KAT6A: variants seen among roughly 807,000 people sequenced by gnomAD.
The protein encoded by KAT6A is histone acetyltransferase KAT6A.
In KAT6A, 9 loss-of-function variants were observed where a neutral mutation model predicts 198.4. That is an observed-to-expected ratio of 0.05 (90% CI 0.03 to 0.08). The LOEUF (loss-of-function observed/expected upper bound fraction) is 0.08. KAT6A is among the 10% of genes least tolerant of loss of function. The pLI is 1.00. For missense variants in KAT6A, 2,077 were observed against 2,509.9 expected (o/e 0.83, Z 3.69); for synonymous variants, 890 against 883.0 (o/e 1.01, Z -0.14).
At chr8:41,983,439 G>A (rs549834374) in intron 3 of KAT6A, among the ~76,000 whole-genome samples, 3 of 152,302 alleles carry the variant, frequency 2.0e-5, no homozygotes, top group African/African-American at 7.2e-5. Flanking sequence ...CTGCATGACT[G>A]TAATTTTAGC....
chr8:41,932,814 C>T lies in KAT6A; in HGVS notation c.5406G>A (p.Gly1802=), dbSNP rs201149588. Residue 1802 remains glycine (G), a synonymous_variant, in exon 17 of 17, where the codon GGG becomes GGA. Transcript: ENST00000265713. ...TCATGGTGGCTTGTGCTTGAGGAGT[C>T]CCAGCTAAGGGATGAGATGGAGCCA... ...AQLAPSHPLA[G]TPQAQATMTP... 1.2e-6 allele frequency: 2 copies of T among 1,613,976 alleles called. No homozygotes were observed. The highest frequency in any genetic ancestry group is 3.3e-5 in the Admixed American group (2 of 59,994).
intron 13 of KAT6A, 25 bp downstream of exon 13, chr8:41,943,723 G>GTA: frequency 6.6e-7 from 1 of 1,521,764 alleles, no homozygotes; most frequent in Non-Finnish European, 9.1e-7. Context: ...TCTTTCAAAG[G>GTA]TATACAAAAA....
chr8:42,033,114 C>G (rs1316851082), intron 2 of KAT6A, among the ~76,000 whole-genome samples: 2 of 152,050 alleles, frequency 1.3e-5, no homozygotes, highest in Non-Finnish European at 2.9e-5. Flanking sequence ...ACCTCATGAT[C>G]TGCCTGTCTC....
In KAT6A at chr8:41,981,846, T is replaced by C. The variant is rs766055001; in HGVS notation, c.818A>G (p.Lys273Arg). The C allele has an allele frequency of 4.4e-6, 7 of 1,607,438 alleles. No individual in the cohort carries two copies. In the East Asian group the frequency reaches 1.3e-4, roughly 31 times the overall value. Residue 273 changes from lysine to arginine, a missense_variant, in exon 4 of 17, where the codon AAA (lysine) becomes AGA (arginine). Physicochemically the swap from Lys to Arg is conservative, Grantham distance 26. This residue lies in a region of KAT6A where 89 missense variants were observed against 154.4 expected (regional missense o/e 0.58). Transcript: ENST00000265713. Reference protein sequence around the residue: ...KTCSSCRDQGKNADNMLFCDS... With the variant: ...KTCSSCRDQGRNADNMLFCDS... ...GAAGGCAGAGATACTCACCGCATTT[T>C]TGCCTTGATCTCGACAGGAGCTGCA...
chr8:42,021,591 T>C (rs1434284219), intron 2 of KAT6A, among the ~76,000 whole-genome samples: 1 of 152,194 alleles, frequency 6.6e-6, no homozygotes, highest in Admixed American at 6.5e-5. Context: ...TTAATACTCT[T>C]AACTCAAGTC....
At chr8:41,991,253 T>A (rs904659539) in intron 2 of KAT6A, among the ~76,000 whole-genome samples, 3 of 152,126 alleles carry the variant, frequency 2.0e-5, no homozygotes, top group African/African-American at 7.2e-5. Context: ...ACCCAAATAA[T>A]TAGGTGGTTA....
intron 2 of KAT6A, among the ~76,000 whole-genome samples, chr8:42,045,971 C>T (rs576147244): frequency 6.6e-6 from 1 of 152,100 alleles, no homozygotes; most frequent in South Asian, 2.1e-4. Flanking sequence ...AGCAAAACAG[C>T]ACATCTCTAC....
At chr8:42,014,332 G>T (rs1202869660) in intron 2 of KAT6A, among the ~76,000 whole-genome samples, 3 of 152,138 alleles carry the variant, frequency 2.0e-5, no homozygotes, top group African/African-American at 7.2e-5. Context: ...CAAAGCAAAA[G>T]AATTTCTGGG....
At chr8:41,980,617 T>C (rs1824303492) in intron 5 of KAT6A, among the ~76,000 whole-genome samples, 1 of 152,210 alleles carries the variant, frequency 6.6e-6, no homozygotes, top group Non-Finnish European at 1.5e-5. Flanking sequence ...TCACCATTGA[T>C]GGATGCCTAG....
chr8:41,948,782 T>C (rs1176033672), intron 10 of KAT6A, among the ~76,000 whole-genome samples: 2 of 72,192 alleles, frequency 2.8e-5, no homozygotes, highest in Non-Finnish European at 4.7e-5. Context: ...GAAATTTTAC[T>C]GTTACAGTAA....
In KAT6A at chr8:41,933,885, G is replaced by A. The variant is rs1325786481; in HGVS notation, c.4335C>T (p.Asp1445=). 2 of 1,614,198 alleles carry A rather than the reference G, an allele frequency of 1.2e-6. No individual in the cohort carries two copies. Among genetic ancestry groups the A allele is most frequent in the Non-Finnish European group, 1.7e-6 (2 of 1,180,046 alleles). ...GACACGCCGCAAGAGTTTCCTCACA[G>A]TCCTGGTAGGCGCCCTCATGCTCAC... ...ESSEHEGAYQ[D]CEETLAACQT... is the part of the protein sequence containing the mutation. Residue 1445 remains aspartate (D), a synonymous_variant, in exon 17 of 17, where the codon GAC becomes GAT. Coordinates refer to ENST00000265713, the MANE Select transcript of KAT6A (RefSeq NM_006766.5). The surrounding 1 kb of genome is among the most constrained non-coding windows in gnomAD (Gnocchi z 6.2).
chr8:42,030,550 AATTTT>A (rs911910496), intron 2 of KAT6A, among the ~76,000 whole-genome samples: 9 of 151,896 alleles, frequency 5.9e-5, no homozygotes, highest in Non-Finnish European at 8.8e-5. Flanking sequence ...TCTCCATTAA[AATTTT>A]ATTTTATTTT....
chr8:41,934,095 C>G lies in KAT6A; in HGVS notation c.4125G>C (p.Glu1375Asp). 6.2e-7 allele frequency: 1 copy of G among 1,614,168 alleles called. No homozygotes were observed. The highest frequency in any genetic ancestry group is 8.5e-7 in the Non-Finnish European group (1 of 1,180,040). Residue 1375 changes from glutamate (E) to aspartate (D), a missense_variant, in exon 17 of 17, where the codon GAG becomes GAC. Coordinates refer to ENST00000265713, the MANE Select transcript of KAT6A (RefSeq NM_006766.5). ...DKEETELDSE[E>D]EQPSHDTSVV... ...CGGACGTGTCATGGGAAGGCTGCTC[C>G]TCTTCGGAATCCAGCTCGGTTTCCT...
chr8:41,989,747 G>A (rs944154744), intron 2 of KAT6A, among the ~76,000 whole-genome samples: 3 of 152,104 alleles, frequency 2.0e-5, no homozygotes, highest in Admixed American at 2.0e-4. Context: ...GTTTTCTCAC[G>A]GAGAAAGGTA....
Position 41,977,154 on chromosome 8 carries a change from G to A in KAT6A, c.1217C>T (p.Thr406Ile), listed in dbSNP as rs1388199068. ...SNVSLKFNKK[T>I]KGLIDGLTKF... ...GGTAAGGCCATCAATGAGCCCTTTG[G>A]TTTTCTTGTTGAACTTCAAGGAGAC... The change falls in exon 7 of 17, where the codon ACC (threonine) becomes ATC (isoleucine). Residue 406 changes from threonine to isoleucine, a missense_variant. Transcript: ENST00000265713. 2 of 1,613,946 alleles carry A rather than the reference G, an allele frequency of 1.2e-6. No individual in the cohort carries two copies. Among genetic ancestry groups the A allele is most frequent in the Admixed American group, 3.3e-5 (2 of 59,992 alleles).
intron 2 of KAT6A, among the ~76,000 whole-genome samples, chr8:42,038,493 A>G (rs555484982): frequency 4.6e-5 from 7 of 152,124 alleles, no homozygotes; most frequent in African/African-American, 1.7e-4. Flanking sequence ...TAACTAAATT[A>G]TTTTAGGCTC....
At chr8:42,044,379 GC>G (rs869114560) in intron 2 of KAT6A, among the ~76,000 whole-genome samples, 4 of 152,014 alleles carry the variant, frequency 2.6e-5, no homozygotes, top group African/African-American at 7.3e-5. Context: ...GGGATTACAG[GC>G]CTGAGCCACC....
chr8:41,977,322 T>G lies in KAT6A; in HGVS notation c.1049A>C (p.Lys350Thr). ...AGTTCGAACTTTGCTGAAGGGACCTTTTGATCTAAACAATTAAACAGGGGA... is the reference window on the plus strand; with the variant it reads ...AGTTCGAACTTTGCTGAAGGGACCTGTTGATCTAAACAATTAAACAGGGGA... ...NRLKKQNTVS[K>T]GPFSKVRTGP... The change falls in exon 7 of 17, where the codon AAA (lysine) becomes ACA (threonine). Residue 350 changes from lysine to threonine, a missense_variant. This residue lies in a region of KAT6A where 206 missense variants were observed against 214.9 expected (regional missense o/e 0.96). Transcript: ENST00000265713. 1 of 1,611,082 alleles carries G rather than the reference T, an allele frequency of 6.2e-7. No individual in the cohort carries two copies.
intron 9 of KAT6A, among the ~76,000 whole-genome samples, chr8:41,954,090 G>A (rs1455121993): frequency 6.6e-6 from 1 of 152,038 alleles, no homozygotes; most frequent in Non-Finnish European, 1.5e-5. Context: ...AGTTTCCTGG[G>A]GTTTTGCTTT....
Sources: gnomAD v4.1 joint callset for allele counts (sites outside exome capture counted in the v4.1 genomes callset) on GRCh38, gnomAD v4.1.1 for gene constraint, gnomAD v4.1.1 regional missense constraint, Gnocchi (gnomAD v3.1) non-coding constraint, MANE v1.5 for transcripts, NCBI Gene and HGNC (gene_info 2026-07-23, HGNC 2026-07-21) for gene names.